COL25A1: variants seen among roughly 807,000 people sequenced by gnomAD.
The protein encoded by COL25A1 is collagen alpha-1(XXV) chain.
COL25A1 carries 103 observed loss-of-function variants against 128.4 expected under a neutral mutation model. The ratio of observed to expected loss-of-function variants is 0.80; its 90% confidence interval spans 0.68 to 0.94. The LOEUF is 0.94. COL25A1 is among the 40% of genes least tolerant of loss of function. The pLI, the probability that COL25A1 is intolerant of heterozygous loss-of-function variation, is 0.00. For missense variants in COL25A1, 745 were observed against 840.0 expected (o/e 0.89, Z 1.40); for synonymous variants, 279 against 277.2 (o/e 1.01, Z -0.06).
chr4:109,273,100 C>T (rs570848852), intron 3 of COL25A1, among the ~76,000 whole-genome samples: 7 of 152,156 alleles, frequency 4.6e-5, no homozygotes, highest in African/African-American at 1.7e-4. Flanking sequence ...GGTATATGAA[C>T]TAAAGACAAA....
At chr4:109,029,186 A>G (rs1445161635) in intron 5 of COL25A1, among the ~76,000 whole-genome samples, 1 of 152,206 alleles carries the variant, frequency 6.6e-6, no homozygotes, top group African/African-American at 2.4e-5. Flanking sequence ...GAAATTATCC[A>G]AAAGAGAGGA....
chr4:109,090,609 A>G (rs1317082011), intron 3 of COL25A1, among the ~76,000 whole-genome samples: 4 of 152,240 alleles, frequency 2.6e-5, no homozygotes, highest in Admixed American at 2.0e-4. Context: ...TAAAGACAAT[A>G]TACTTGTAAA....
chr4:108,983,045 G>C (rs1183059235), intron 6 of COL25A1, among the ~76,000 whole-genome samples: 4 of 152,156 alleles, frequency 2.6e-5, no homozygotes, highest in Non-Finnish European at 5.9e-5. Context: ...GCTCTCTCTG[G>C]TTTTCTTTTC....
intron 17 of COL25A1, 76 bp from the exon 18 acceptor site, chr4:108,889,332 T>C: frequency 7.1e-7 from 1 of 1,405,764 alleles, no homozygotes; most frequent in Non-Finnish European, 1.0e-6. Context: ...CTGGGCACCA[T>C]CACAGGGATG....
intron 9 of COL25A1, 79 bp downstream of exon 9, chr4:108,941,287 A>G (rs1039310378): frequency 8.6e-7 from 1 of 1,169,326 alleles, no homozygotes; most frequent in African/African-American, 1.5e-5. Context: ...CCCATAAGAG[A>G]TAAATCGTAA....
intron 5 of COL25A1, among the ~76,000 whole-genome samples, chr4:109,032,786 C>T (rs974617783): frequency 4.6e-5 from 7 of 152,184 alleles, no homozygotes; most frequent in Admixed American, 4.6e-4. Flanking sequence ...CAGGTTCTTT[C>T]TGAACGATTC....
chr4:109,275,050 G>C (rs1411070296), intron 3 of COL25A1, among the ~76,000 whole-genome samples: 1 of 152,124 alleles, frequency 6.6e-6, no homozygotes, highest in Non-Finnish European at 1.5e-5. Context: ...TCTTTGTGAA[G>C]CCAATGTTTT....
intron 20 of COL25A1, among the ~76,000 whole-genome samples, chr4:108,863,892 A>G (rs1737565737): frequency 6.6e-6 from 1 of 152,120 alleles, no homozygotes; most frequent in Non-Finnish European, 1.5e-5. Context: ...CTTCAGCCTC[A>G]GACTGAAAGT....
intron 3 of COL25A1, among the ~76,000 whole-genome samples, chr4:109,076,471 G>A (rs1763385191): frequency 6.6e-6 from 1 of 152,044 alleles, no homozygotes; most frequent in African/African-American, 2.4e-5. Flanking sequence ...AGACAACAAT[G>A]AAGAACACTT....
chr4:109,037,462 C>T (rs539108656), intron 5 of COL25A1, among the ~76,000 whole-genome samples: 1 of 152,340 alleles, frequency 6.6e-6, no homozygotes, highest in South Asian at 2.1e-4. Flanking sequence ...CAAAACCCTC[C>T]TGACTAGTGC....
intron 3 of COL25A1, among the ~76,000 whole-genome samples, chr4:109,094,210 A>G (rs971489423): frequency 5.9e-5 from 9 of 152,228 alleles, no homozygotes; most frequent in African/African-American, 2.2e-4. Flanking sequence ...ATAAAAATAC[A>G]AAAGGAAACC....
At chr4:109,070,240 T>C (rs1165766217) in intron 3 of COL25A1, among the ~76,000 whole-genome samples, 1 of 151,454 alleles carries the variant, frequency 6.6e-6, no homozygotes, top group Non-Finnish European at 1.5e-5. Flanking sequence ...AGAGCGAGAC[T>C]CTGTCTCAAA....
rs574812365 is a variant in COL25A1 at position 108,828,658 on chromosome 4, G to C, written c.1711-1470C>G. Among the ~76,000 whole-genome samples the C allele has an allele frequency of 3.3e-5, 5 of 152,300 alleles. No individual in the cohort carries two copies. In the East Asian group the frequency reaches 5.8e-4, roughly 18 times the overall value. On this transcript the variant is annotated intron_variant, in intron 32 of 37. Transcript: ENST00000399132. The stretch of plus-strand genomic sequence containing the variant: ...AGAGATGTTCTGTATTTCAAATGGT[G>C]TTTTCTGCTGCTGCCATCTCCAAAT...
chr4:108,818,525 T>C (rs1289753497), intron 36 of COL25A1, among the ~76,000 whole-genome samples: 1 of 152,130 alleles, frequency 6.6e-6, no homozygotes, highest in African/African-American at 2.4e-5. Flanking sequence ...AATGCCAGAT[T>C]GGTACAAGGA....
intron 3 of COL25A1, among the ~76,000 whole-genome samples, chr4:109,272,893 C>T (rs927144358): frequency 6.6e-6 from 1 of 152,062 alleles, no homozygotes; most frequent in African/African-American, 2.4e-5. Context: ...GGAGTGAAGG[C>T]CTCCATGGCT....
chr4:108,830,717 A>C (rs1182376046), intron 32 of COL25A1, among the ~76,000 whole-genome samples: 2 of 152,236 alleles, frequency 1.3e-5, no homozygotes, highest in Non-Finnish European at 2.9e-5. Flanking sequence ...CTGAGACCTG[A>C]TACTCTTGTG....
At chr4:109,133,333 T>C (rs1769403400) in intron 3 of COL25A1, among the ~76,000 whole-genome samples, 1 of 152,144 alleles carries the variant, frequency 6.6e-6, no homozygotes, top group African/African-American at 2.4e-5. Flanking sequence ...GACCTTATTG[T>C]AATATTATTT....
At chr4:109,251,160 CACAT>C (rs1780620688) in intron 3 of COL25A1, among the ~76,000 whole-genome samples, 1 of 152,160 alleles carries the variant, frequency 6.6e-6, no homozygotes, top group African/African-American at 2.4e-5. Context: ...TTTACACACA[CACAT>C]ACACACACAA....
At chr4:109,263,544 T>A (rs146251951) in intron 3 of COL25A1, among the ~76,000 whole-genome samples, 1 of 152,258 alleles carries the variant, frequency 6.6e-6, no homozygotes, top group East Asian at 1.9e-4. Context: ...AAGTTAAATA[T>A]TAGAAAGAAT....
Sources: allele counts gnomAD v4.1 joint callset (sites outside exome capture counted in the v4.1 genomes callset), GRCh38; gene constraint gnomAD v4.1.1; transcripts MANE v1.5; gene names NCBI Gene and HGNC (gene_info 2026-07-23, HGNC 2026-07-21).